The following PLPPR5 variants were observed in gnomAD, a reference collection of about 807,000 sequenced individuals.
The protein encoded by PLPPR5 is phospholipid phosphatase related 5.
In PLPPR5, 16 loss-of-function variants were observed where a neutral mutation model predicts 33.9. The observed-to-expected ratio is 0.47, with a 90% CI of 0.32 to 0.72. PLPPR5 has a LOEUF of 0.72. Among genes scored for constraint, PLPPR5 ranks in the 30% least tolerant of loss-of-function variants. The pLI is 0.03. For synonymous variants in PLPPR5, 163 were observed against 150.3 expected (o/e 1.08, Z -0.62); for missense variants, 301 against 406.7 (o/e 0.74, Z 2.23).
chr1:98,964,778 A>G (rs1651370587), intron 1 of PLPPR5, among the ~76,000 whole-genome samples: 1 of 152,124 alleles, frequency 6.6e-6, no homozygotes, highest in Non-Finnish European at 1.5e-5. Flanking sequence ...AAGGGCTCAG[A>G]AACTAATACT....
intron 5 of PLPPR5, among the ~76,000 whole-genome samples, chr1:98,905,740 T>C (rs1648871139): frequency 1.3e-5 from 2 of 152,198 alleles, no homozygotes; most frequent in African/African-American, 4.8e-5. Context: ...TGCCAATTCA[T>C]TCATATCCTA....
chr1:98,979,072 T>C (rs1209020026), intron 1 of PLPPR5, among the ~76,000 whole-genome samples: 1 of 152,064 alleles, frequency 6.6e-6, no homozygotes, highest in Non-Finnish European at 1.5e-5. Context: ...TACTCATTTA[T>C]ACGTAAAACA....
At chr1:98,999,703 G>A (rs1652756196) in intron 1 of PLPPR5, among the ~76,000 whole-genome samples, 2 of 152,196 alleles carry the variant, frequency 1.3e-5, no homozygotes, top group South Asian at 4.1e-4. Flanking sequence ...TAGGCAGGTT[G>A]ATCCAATGGG....
chr1:98,960,030 G>A (rs560625861), intron 1 of PLPPR5, among the ~76,000 whole-genome samples: 1 of 151,944 alleles, frequency 6.6e-6, no homozygotes, highest in Non-Finnish European at 1.5e-5. Flanking sequence ...ATATGCCTAG[G>A]TGTCTGCTTT....
chr1:98,937,786 T>C (rs527422039), intron 3 of PLPPR5, among the ~76,000 whole-genome samples: 2 of 152,190 alleles, frequency 1.3e-5, no homozygotes, highest in Non-Finnish European at 2.9e-5. Context: ...TCTGTGAGCA[T>C]AGTAAAATGG....
intron 1 of PLPPR5, among the ~76,000 whole-genome samples, chr1:98,997,313 C>G (rs1652668472): frequency 1.3e-5 from 2 of 152,020 alleles, no homozygotes; most frequent in Non-Finnish European, 2.9e-5. Flanking sequence ...AGAGATATGC[C>G]TTACTTACTT....
intron 1 of PLPPR5, 122 bp downstream of exon 1, chr1:99,004,313 A>C: frequency 1.2e-6 from 1 of 841,154 alleles, no homozygotes. Context: ...GGGGCTGCCC[A>C]TAACTTGGAG....
intron 5 of PLPPR5, among the ~76,000 whole-genome samples, chr1:98,901,721 G>A (rs1277743663): frequency 1.3e-5 from 2 of 152,044 alleles, no homozygotes; most frequent in African/African-American, 4.8e-5. Flanking sequence ...ATACAGATAT[G>A]AATTCAACCA....
chr1:99,005,687 T>C (rs1349149738), upstream of PLPPR5, among the ~76,000 whole-genome samples: 1 of 152,082 alleles, frequency 6.6e-6, no homozygotes, highest in Non-Finnish European at 1.5e-5. Flanking sequence ...ATTTGCCTCA[T>C]CTCGTTCTTT....
At chr1:98,918,106 T>C (rs1312074110) in intron 4 of PLPPR5, among the ~76,000 whole-genome samples, 1 of 152,232 alleles carries the variant, frequency 6.6e-6, no homozygotes, top group African/African-American at 2.4e-5. Context: ...GATAACTTAA[T>C]CTGATCCATT....
intron 3 of PLPPR5, among the ~76,000 whole-genome samples, chr1:98,941,515 G>A (rs61784621): frequency 0.17 from 25,534 of 150,336 alleles, 2,850 homozygotes; most frequent in Non-Finnish European, 0.22. Flanking sequence ...AAGATGCGAC[G>A]GTAGCTTGAA....
At chr1:98,910,418 T>A (rs12132161) in intron 5 of PLPPR5, among the ~76,000 whole-genome samples, 75,778 of 151,976 alleles carry the variant, frequency 0.5, 19,753 homozygotes, top group East Asian at 0.76. Context: ...TTAAGTAGAA[T>A]GAAGTATAAT....
At chr1:99,004,233 T>G in intron 1 of PLPPR5, 7 of 548,124 alleles carry the variant, frequency 1.3e-5, no homozygotes, top group Admixed American at 3.4e-5. Flanking sequence ...TGTGGGGGGG[T>G]GACGTGTGGG....
At chr1:98,947,464 TTA>T (rs1650599036) in intron 3 of PLPPR5, among the ~76,000 whole-genome samples, 2 of 152,224 alleles carry the variant, frequency 1.3e-5, no homozygotes, top group Non-Finnish European at 2.9e-5. Context: ...TAACTGTTTA[TTA>T]TCATCCAAGC....
intron 3 of PLPPR5, among the ~76,000 whole-genome samples, chr1:98,944,297 GT>G (rs1650477884): frequency 6.6e-6 from 1 of 152,136 alleles, no homozygotes; most frequent in African/African-American, 2.4e-5. Flanking sequence ...ATCACTTTGG[GT>G]TTTGGGAAAA....
At chr1:98,931,342 G>A (rs886559971) in intron 3 of PLPPR5, among the ~76,000 whole-genome samples, 13 of 151,822 alleles carry the variant, frequency 8.6e-5, no homozygotes, top group South Asian at 2.1e-4. Flanking sequence ...AACTGTGCTC[G>A]GTGCTTTACA....
chr1:98,960,616 A>C (rs1406406769), intron 1 of PLPPR5, among the ~76,000 whole-genome samples: 1 of 152,230 alleles, frequency 6.6e-6, no homozygotes, highest in African/African-American at 2.4e-5. Context: ...ATGTTTGAAG[A>C]AAGGTTTATA....
At chr1:98,899,714 G>A (rs915715810) in intron 5 of PLPPR5, among the ~76,000 whole-genome samples, 6 of 146,776 alleles carry the variant, frequency 4.1e-5, no homozygotes, top group East Asian at 2.0e-4. Flanking sequence ...GCTGTAGTGC[G>A]GTAGTGAGAT....
chr1:98,986,310 C>A (rs889526775), intron 1 of PLPPR5, among the ~76,000 whole-genome samples: 1 of 151,622 alleles, frequency 6.6e-6, no homozygotes, highest in Admixed American at 6.6e-5. Context: ...AGAGGAAACA[C>A]ATAATTTTAA....
Sources: gnomAD v4.1 joint callset for allele counts (sites outside exome capture counted in the v4.1 genomes callset) on GRCh38, gnomAD v4.1.1 for gene constraint, MANE v1.5 for transcripts, NCBI Gene and HGNC (gene_info 2026-07-23, HGNC 2026-07-21) for gene names.